Variants in CFAP92 observed in about 807,000 individuals in gnomAD.
CFAP92 encodes cilia and flagella associated protein 92 (putative).
CFAP92 carries 86 observed loss-of-function variants against 106.3 expected under a neutral mutation model. The observed-to-expected ratio is 0.81, with a 90% CI of 0.68 to 0.97. The LOEUF is 0.97. CFAP92 is among the 50% of genes least tolerant of loss of function. The pLI, the probability that CFAP92 is intolerant of heterozygous loss-of-function variation, is 0.00. For synonymous variants in CFAP92, 477 were observed against 506.4 expected, an observed-to-expected ratio of 0.94 and a Z score of 0.78; for missense variants, 1,204 against 1,283.8, an observed-to-expected ratio of 0.94 and a Z score of 0.95.
upstream of CFAP92, chr3:129,003,190 G>T: frequency 4.1e-6 from 4 of 983,120 alleles, no homozygotes; most frequent in Non-Finnish European, 4.8e-6. Context: ...TGGAAGCCAG[G>T]GTGGAGGCGG....
intron 3 of CFAP92, 30 bp downstream of exon 3, chr3:128,988,698 A>C (rs1471730632): frequency 6.2e-7 from 1 of 1,608,608 alleles, no homozygotes. Context: ...ATCAGACCAT[A>C]CACAAGGCCA....
intron 10 of CFAP92, among the ~76,000 whole-genome samples, chr3:128,942,964 A>G (rs1410527008): frequency 8.3e-6 from 1 of 121,032 alleles, no homozygotes; most frequent in Non-Finnish European, 1.6e-5. Context: ...TCTGTCACCC[A>G]GGCTGGAGTG....
chr3:128,929,390 C>A (rs1242799121), intron 12 of CFAP92, among the ~76,000 whole-genome samples: 2 of 152,078 alleles, frequency 1.3e-5, no homozygotes, highest in Non-Finnish European at 2.9e-5. Context: ...TAAATATAAA[C>A]CTACCTATAT....
At chr3:128,993,550 T>G in intron 1 of CFAP92, 1 of 568,476 alleles carries the variant, frequency 1.8e-6, no homozygotes, top group Non-Finnish European at 3.1e-6. Context: ...TAAGGGTGGC[T>G]GGCAGTAAGC....
At position 128,993,196 on chromosome 3, in the gene CFAP92, G is replaced by T. The variant is rs777513359; in HGVS notation, c.109C>A (p.Leu37Met). ...TCCTGGGCCCTGGCCTTGGCCTTCAGGTGTTCCTCCACGTCACACTCGCTC... is the reference window on the plus strand; with the variant it reads ...TCCTGGGCCCTGGCCTTGGCCTTCATGTGTTCCTCCACGTCACACTCGCTC... ...STSECDVEEH[L>M]KAKARAQESD... is the part of the protein sequence containing the mutation. Residue 37 changes from leucine to methionine, a missense_variant, in exon 2 of 16, where the codon CTG (leucine) becomes ATG (methionine). Physicochemically the swap from Leu to Met is conservative, Grantham distance 15 (BLOSUM62 2). Transcript: ENST00000645291. 7 of 1,613,942 alleles carry T rather than the reference G, an allele frequency of 4.3e-6. No individual in the cohort carries two copies. The Admixed American group carries it at 5.0e-5, about 12-fold the overall frequency.
chr3:128,969,578 A>T (rs1160781506), intron 8 of CFAP92: 1 of 151,990 alleles, frequency 6.6e-6, no homozygotes, highest in African/African-American at 2.4e-5. Context: ...ATCTCGAAAA[A>T]AAAAAAAGAG....
intron 10 of CFAP92, among the ~76,000 whole-genome samples, chr3:128,940,078 G>A (rs921186038): frequency 3.3e-5 from 5 of 152,140 alleles, no homozygotes; most frequent in Non-Finnish European, 5.9e-5. Context: ...GTGGCCGGCC[G>A]CCTCTCCTCA....
chr3:129,016,802 G>A, the CFAP92 span, among the ~76,000 whole-genome samples: 1 of 152,190 alleles, frequency 6.6e-6, no homozygotes, highest in African/African-American at 2.4e-5. Flanking sequence ...GTTAGGCACT[G>A]CACTAAGGAC....
At position 128,945,133 on chromosome 3, in the gene CFAP92, A is replaced by T. The variant is rs1191561093; in HGVS notation, c.2196T>A (p.Leu732=). 6.5e-7 allele frequency: 1 copy of T among 1,535,822 alleles called. No homozygotes were observed. The highest frequency in any genetic ancestry group is 2.0e-5 in the Admixed American group (1 of 50,984). The change falls in exon 10 of 16, where the codon CTT becomes CTA. Residue 732 remains leucine (L), a synonymous_variant. Coordinates refer to ENST00000645291, the MANE Select transcript of CFAP92 (RefSeq NM_001394090.1). ...GGTCGGCCAGGCCTTCCAGGATGAA[A>T]AGGTGTGTCTTCCCGTCCAGCAGGT... ...GFHLLDGKTH[L]FILEGLADQG... is the part of the protein sequence containing the mutation.
At chr3:128,979,568 T>G (rs1448689954) in intron 4 of CFAP92, among the ~76,000 whole-genome samples, 4 of 152,090 alleles carry the variant, frequency 2.6e-5, no homozygotes, top group Non-Finnish European at 5.9e-5. Context: ...AATGATAGGC[T>G]GGATTAAGAA....
At chr3:128,946,257 G>A (rs1347719598) in intron 9 of CFAP92, among the ~76,000 whole-genome samples, 2 of 152,206 alleles carry the variant, frequency 1.3e-5, no homozygotes, top group Non-Finnish European at 2.9e-5. Context: ...CATGAAGATA[G>A]GCCATGTGTC....
chr3:128,977,107 G>A, intron 5 of CFAP92, 41 bp from the exon 6 acceptor site: 2 of 1,531,772 alleles, frequency 1.3e-6, no homozygotes, highest in Non-Finnish European at 1.8e-6. Context: ...TTTGTTACAT[G>A]CTAGTTCACT....
chr3:128,915,198 G>C lies in CFAP92; in HGVS notation c.3201C>G (p.His1067Gln). 6.5e-7 allele frequency: 1 copy of C among 1,536,090 alleles called. No individual in the cohort carries two copies. Among genetic ancestry groups the C allele is most frequent in the Non-Finnish European group, 8.7e-7 (1 of 1,146,910 alleles). The change falls in exon 15 of 16, where the codon CAC (histidine) becomes CAG (glutamine). Residue 1067 changes from histidine to glutamine, a missense_variant. Coordinates refer to ENST00000645291, the MANE Select transcript of CFAP92 (RefSeq NM_001394090.1). Reference protein sequence around the residue: ...LDRDRWSWDRHHVDFDLYKKP... With the variant: ...LDRDRWSWDRQHVDFDLYKKP... ...TCTTGTACAGATCAAAGTCCACGTGGTGCCTGTCCCAGCTCCACCTGTCTC... is the reference window on the plus strand; with the variant it reads ...TCTTGTACAGATCAAAGTCCACGTGCTGCCTGTCCCAGCTCCACCTGTCTC...
upstream of CFAP92, chr3:129,003,782 C>A: frequency 7.0e-7 from 1 of 1,432,794 alleles, no homozygotes; most frequent in Non-Finnish European, 9.1e-7. Flanking sequence ...CCCTGCTGCC[C>A]TGTCCCCGCA....
rs150244804 is a variant in CFAP92 at position 128,918,793 on chromosome 3, T to C, written c.2752-2522A>G. On this transcript the variant is annotated intron_variant, in intron 12 of 15. Transcript: ENST00000645291. ...AGGATAACCACCTTAAAAAGAAAGA[T>C]AGAATGTATAACTTAAGTCCACAGA... Among the ~76,000 whole-genome samples the C allele has an allele frequency of 3.6e-4, 55 of 152,144 alleles. No homozygotes were observed. In the East Asian group the frequency reaches 0.01, roughly 28 times the overall value.
chr3:128,990,286 C>A (rs1286076044), intron 2 of CFAP92, among the ~76,000 whole-genome samples: 2 of 152,358 alleles, frequency 1.3e-5, no homozygotes, highest in East Asian at 3.9e-4. Context: ...GATCTGAGGT[C>A]AGGAGTTCCA....
chr3:129,011,996 C>T, the CFAP92 span, among the ~76,000 whole-genome samples: 1 of 152,236 alleles, frequency 6.6e-6, no homozygotes, highest in African/African-American at 2.4e-5. Context: ...GAGTCTGTAG[C>T]TCTTTCTGCT....
chr3:128,915,107 C>CTTGCCTG lies in CFAP92; in HGVS notation c.3280+5_3280+11dup. ...ATCAGGAGGCCCAGCTTGGCAAACC[C>CTTGCCTG]TTGCCTGTTACCTGTTACAGGCTTT... On this transcript the variant is annotated intron_variant, in intron 15 of 15. Coordinates refer to ENST00000645291, the MANE Select transcript of CFAP92 (RefSeq NM_001394090.1). 1 of 1,534,924 alleles carries CTTGCCTG rather than the reference C, an allele frequency of 6.5e-7. No individual in the cohort carries two copies. The highest frequency in any genetic ancestry group is 8.7e-7 in the Non-Finnish European group (1 of 1,146,290).
Position 128,991,894 on chromosome 3 carries a change from T to C in CFAP92, c.262+1149A>G, listed in dbSNP as rs538988543. 36 of 986,434 alleles carry C rather than the reference T, an allele frequency of 3.6e-5. No individual in the cohort carries two copies. The African/African-American group carries it at 5.8e-4, about 16-fold the overall frequency. 61.1% of individuals were successfully genotyped at this position (986,434 alleles called of 1,614,324 possible). ...GGTCTATCAAGATGTGAAGTACTAC[T>C]TGTCTCCTCCCCTCATATTGGGCTG... On this transcript the variant is annotated intron_variant, in intron 2 of 15. Coordinates refer to ENST00000645291, the MANE Select transcript of CFAP92 (RefSeq NM_001394090.1).
Sources: allele counts gnomAD v4.1 joint callset (sites outside exome capture counted in the v4.1 genomes callset), GRCh38; gene constraint gnomAD v4.1.1; transcripts MANE v1.5; gene names NCBI Gene and HGNC (gene_info 2026-07-23, HGNC 2026-07-21).